The following SEMA5A variants were observed in gnomAD, a reference collection of about 807,000 sequenced individuals.
SEMA5A encodes the protein semaphorin 5A, also known as semaphorin-5A.
A neutral mutation model predicts 135.5 loss-of-function variants in SEMA5A; 55 were observed. The observed-to-expected ratio is 0.41, with a 90% CI of 0.33 to 0.51. The LOEUF (loss-of-function observed/expected upper bound fraction) is 0.51. Among genes scored for constraint, SEMA5A ranks in the 20% least tolerant of loss-of-function variants. The pLI is 0.37. For missense variants in SEMA5A, 1,290 were observed against 1,419.9 expected, an observed-to-expected ratio of 0.91 and a Z score of 1.47; for synonymous variants, 580 against 546.5, an observed-to-expected ratio of 1.06 and a Z score of -0.85.
At chr5:9,399,731 G>A (rs1756564815) in intron 2 of SEMA5A, among the ~76,000 whole-genome samples, 1 of 152,108 alleles carries the variant, frequency 6.6e-6, no homozygotes, top group Admixed American at 6.5e-5. Flanking sequence ...GAAGATTAGG[G>A]TGTGGCTGAT....
intron 5 of SEMA5A, among the ~76,000 whole-genome samples, chr5:9,311,355 G>A (rs979369857): frequency 8.6e-5 from 13 of 151,952 alleles, no homozygotes; most frequent in Non-Finnish European, 1.5e-5. Context: ...CCCCAACCCA[G>A]ATATACAGGA....
At chr5:9,408,150 T>TCACCAC (rs559391384) in intron 2 of SEMA5A, among the ~76,000 whole-genome samples, 1 of 150,616 alleles carries the variant, frequency 6.6e-6, no homozygotes, top group African/African-American at 2.4e-5. Flanking sequence ...AACATCATTA[T>TCACCAC]CACCACCACC....
chr5:9,227,708 G>A lies in SEMA5A; in HGVS notation c.334-741C>T, dbSNP rs188013917. Among the ~76,000 whole-genome samples, 770 of 152,070 alleles carry A rather than the reference G, an allele frequency of 5.1e-3. 2 individuals carry two copies. Among genetic ancestry groups the A allele is most frequent in the African/African-American group, 0.017 (689 of 41,490 alleles). The stretch of plus-strand genomic sequence containing the variant: ...TGGGACTACAGGTGCCCGCCACCAC[G>A]CCCGGCCAATTTTTTGTATTTTTAG... On this transcript the variant is annotated intron_variant, in intron 6 of 22. Coordinates refer to ENST00000382496, the MANE Select transcript of SEMA5A (RefSeq NM_003966.3).
At chr5:9,090,512 C>T (rs1291545358) in intron 16 of SEMA5A, among the ~76,000 whole-genome samples, 1 of 152,180 alleles carries the variant, frequency 6.6e-6, no homozygotes, top group Non-Finnish European at 1.5e-5. Flanking sequence ...CTCTGCATGT[C>T]TCCTTACAAA....
At chr5:9,195,097 G>A (rs1329271666) in intron 10 of SEMA5A, among the ~76,000 whole-genome samples, 1 of 152,184 alleles carries the variant, frequency 6.6e-6, no homozygotes, top group Admixed American at 6.5e-5. Flanking sequence ...AGTATTTCCT[G>A]TATTCAAGAG....
chr5:9,181,494 C>A (rs2150327792), intron 11 of SEMA5A, among the ~76,000 whole-genome samples: 1 of 152,146 alleles, frequency 6.6e-6, no homozygotes, highest in East Asian at 1.9e-4. Flanking sequence ...AATTGGCAGC[C>A]CCCCTGGCAC....
intron 3 of SEMA5A, among the ~76,000 whole-genome samples, chr5:9,339,561 G>A (rs890362505): frequency 6.6e-6 from 1 of 151,964 alleles, no homozygotes; most frequent in African/African-American, 2.4e-5. Flanking sequence ...AATGAAGTAA[G>A]AACAAGTAAG....
In SEMA5A at chr5:9,039,174, CA is replaced by C. The variant is rs1359121183; in HGVS notation, c.*3722del. The C allele has an allele frequency of 1.3e-5, 2 of 152,266 alleles. No individual in the cohort carries two copies. Among genetic ancestry groups the C allele is most frequent in the African/African-American group, 4.8e-5 (2 of 41,466 alleles). The allele number at this position is 152,266 out of a possible 1,614,324, so 9.4% of individuals were successfully genotyped here. A position where few individuals can be genotyped will look rare whatever the true frequency, so the allele number is the denominator to read the frequency against. The stretch of plus-strand genomic sequence containing the variant: ...AGTACACCTTTGGCTAAAACTCTGG[CA>C]CTCTGGGCAGTTGATCCTGGCAGAG... On this transcript the variant is annotated 3_prime_UTR_variant, in exon 23 of 23. Transcript: ENST00000382496.
chr5:9,311,820 T>C (rs1335334101), intron 5 of SEMA5A, among the ~76,000 whole-genome samples: 1 of 152,142 alleles, frequency 6.6e-6, no homozygotes, highest in Non-Finnish European at 1.5e-5. Context: ...TCTCTACCGA[T>C]ATTGATCATG....
chr5:9,096,887 A>G (rs1482865963), intron 16 of SEMA5A, among the ~76,000 whole-genome samples: 2 of 152,126 alleles, frequency 1.3e-5, no homozygotes, highest in African/African-American at 4.8e-5. Context: ...CAAAACCACT[A>G]TGAGATGTCA....
chr5:9,160,327 A>G (rs1407071871), intron 11 of SEMA5A, among the ~76,000 whole-genome samples: 1 of 152,146 alleles, frequency 6.6e-6, no homozygotes, highest in Non-Finnish European at 1.5e-5. Flanking sequence ...CTCTGTACAT[A>G]CAAGGTGGAC....
intron 8 of SEMA5A, among the ~76,000 whole-genome samples, chr5:9,213,247 T>A (rs1746438091): frequency 6.6e-6 from 1 of 152,220 alleles, no homozygotes; most frequent in Non-Finnish European, 1.5e-5. Context: ...CATAGCACCA[T>A]TTAACTCATT....
At chr5:9,275,344 C>A (rs958697946) in intron 5 of SEMA5A, among the ~76,000 whole-genome samples, 13 of 152,110 alleles carry the variant, frequency 8.5e-5, no homozygotes, top group Admixed American at 2.6e-4. Flanking sequence ...CAATTAATAA[C>A]CTACCAACCA....
intron 2 of SEMA5A, among the ~76,000 whole-genome samples, chr5:9,436,360 T>C (rs1758031178): frequency 1.3e-5 from 2 of 152,340 alleles, no homozygotes; most frequent in East Asian, 1.9e-4. Flanking sequence ...TAAGACACTA[T>C]GTGAACCTGA....
intron 2 of SEMA5A, among the ~76,000 whole-genome samples, chr5:9,397,473 A>G (rs1756456708): frequency 6.6e-6 from 1 of 152,220 alleles, no homozygotes; most frequent in African/African-American, 2.4e-5. Flanking sequence ...CACTTAGAAC[A>G]GTGCCAGGTC....
chr5:9,255,614 G>A (rs1388235317), intron 5 of SEMA5A, among the ~76,000 whole-genome samples: 4 of 152,122 alleles, frequency 2.6e-5, no homozygotes, highest in African/African-American at 9.7e-5. Context: ...ATCACTAGCT[G>A]CTCCTTCTCA....
intron 6 of SEMA5A, among the ~76,000 whole-genome samples, chr5:9,227,812 A>G (rs1747401133): frequency 6.6e-6 from 1 of 151,910 alleles, no homozygotes; most frequent in Non-Finnish European, 1.5e-5. Flanking sequence ...GGCCTCCCAA[A>G]GTGCTGGGAT....
intron 13 of SEMA5A, among the ~76,000 whole-genome samples, chr5:9,128,992 T>C (rs1053829620): frequency 2.0e-5 from 3 of 152,216 alleles, no homozygotes; most frequent in South Asian, 2.1e-4. Context: ...GCAACTTTTT[T>C]CCTGATTGAG....
At chr5:9,088,581 C>T (rs1199472699) in intron 16 of SEMA5A, among the ~76,000 whole-genome samples, 1 of 144,862 alleles carries the variant, frequency 6.9e-6, no homozygotes, top group Admixed American at 6.9e-5. Context: ...GTTGTTCAAA[C>T]AAGAATTTAC....
Sources: allele counts gnomAD v4.1 joint callset (sites outside exome capture counted in the v4.1 genomes callset), GRCh38; gene constraint gnomAD v4.1.1; transcripts MANE v1.5; gene names NCBI Gene and HGNC (gene_info 2026-07-23, HGNC 2026-07-21).